SCYL2: variants seen among roughly 807,000 people sequenced by gnomAD.
SCYL2 encodes SCY1-like protein 2.
SCYL2 carries 36 observed loss-of-function variants against 100.4 expected under a neutral mutation model. That is an observed-to-expected ratio of 0.36 (90% CI 0.27 to 0.47). The LOEUF (loss-of-function observed/expected upper bound fraction) is 0.47. Ranked by LOEUF, SCYL2 falls within the 20% of genes least tolerant of loss-of-function variation. The pLI is 1.00. For synonymous variants in SCYL2, 330 were observed against 359.2 expected (o/e 0.92, Z 0.92); for missense variants, 902 against 1,083.9 (o/e 0.83, Z 2.36).
At chr12:100,321,926 T>C (rs2096356171) in intron 10 of SCYL2, among the ~76,000 whole-genome samples, 1 of 151,472 alleles carries the variant, frequency 6.6e-6, no homozygotes, top group East Asian at 1.9e-4. Flanking sequence ...AGTGCATGCC[T>C]GTAGTGCCAG....
intron 16 of SCYL2, among the ~76,000 whole-genome samples, chr12:100,336,630 T>A (rs1023524987): frequency 2.0e-5 from 3 of 152,132 alleles, no homozygotes; most frequent in Admixed American, 2.0e-4. Context: ...CAACAATATT[T>A]TAAAGAGGAT....
At chr12:100,309,461 G>A (rs141830014) in intron 4 of SCYL2, among the ~76,000 whole-genome samples, 173 of 152,192 alleles carry the variant, frequency 1.1e-3, no homozygotes, top group African/African-American at 3.8e-3. Flanking sequence ...TAGGTACTTC[G>A]TGTAAGTGGA....
intron 2 of SCYL2, among the ~76,000 whole-genome samples, chr12:100,285,558 G>C (rs1156515505): frequency 6.6e-6 from 1 of 152,012 alleles, no homozygotes; most frequent in African/African-American, 2.4e-5. Context: ...TGCCAATCTT[G>C]TTATATAGTC....
chr12:100,322,289 C>G (rs1264657362), intron 10 of SCYL2, among the ~76,000 whole-genome samples: 11 of 138,918 alleles, frequency 7.9e-5, no homozygotes, highest in African/African-American at 2.9e-4. Context: ...AGGAGAATGG[C>G]GTGAACCCGG....
chr12:100,285,099 G>A (rs2096303034), intron 2 of SCYL2, among the ~76,000 whole-genome samples: 1 of 152,108 alleles, frequency 6.6e-6, no homozygotes, highest in Non-Finnish European at 1.5e-5. Flanking sequence ...CAAATCATGA[G>A]TGTACAGCTT....
intron 12 of SCYL2, among the ~76,000 whole-genome samples, chr12:100,327,759 C>T (rs1952150926): frequency 6.6e-6 from 1 of 152,116 alleles, no homozygotes; most frequent in African/African-American, 2.4e-5. Flanking sequence ...TGTGATCCAC[C>T]TGCCTCGGCC....
chr12:100,320,916 T>A (rs943216400), intron 10 of SCYL2, among the ~76,000 whole-genome samples: 20 of 152,268 alleles, frequency 1.3e-4, no homozygotes, highest in African/African-American at 2.4e-4. Context: ...TTAATTAATT[T>A]ATATATTTTT....
intron 2 of SCYL2, among the ~76,000 whole-genome samples, chr12:100,283,894 GTC>G (rs2096301637): frequency 6.6e-6 from 1 of 152,184 alleles, no homozygotes; most frequent in Admixed American, 6.5e-5. Context: ...CCATTTGGAA[GTC>G]TTTACTGAAA....
chr12:100,314,716 C>G (rs1337034261), intron 8 of SCYL2, 102 bp downstream of exon 8: 2 of 1,185,834 alleles, frequency 1.7e-6, no homozygotes, highest in East Asian at 5.4e-5. Context: ...ATAACTTTGC[C>G]TGAGGTACAT....
intron 2 of SCYL2, among the ~76,000 whole-genome samples, chr12:100,285,075 T>C (rs1424256828): frequency 6.6e-6 from 1 of 152,214 alleles, no homozygotes; most frequent in East Asian, 1.9e-4. Context: ...TTCAGCATAT[T>C]ATAGAATATT....
chr12:100,338,420 T>C, intron 17 of SCYL2, 108 bp from the exon 18 acceptor site: 1 of 989,308 alleles, frequency 1.0e-6, no homozygotes, highest in Non-Finnish European at 1.4e-6. Context: ...GTGTAGACCA[T>C]TGAGCTTAAT....
intron 1 of SCYL2, among the ~76,000 whole-genome samples, chr12:100,272,337 G>A (rs893891107): frequency 2.0e-5 from 3 of 152,050 alleles, no homozygotes; most frequent in Non-Finnish European, 4.4e-5. Flanking sequence ...GGACTCTTAG[G>A]TTTCTTATAT....
At chr12:100,322,400 T>TA (rs924862677) in intron 10 of SCYL2, among the ~76,000 whole-genome samples, 42 of 125,038 alleles carry the variant, frequency 3.4e-4, no homozygotes, top group Middle Eastern at 4.3e-3. Flanking sequence ...AAAAGAAAAC[T>TA]AAAAAAAAAA....
chr12:100,316,227 T>C (rs1858866892), intron 9 of SCYL2, among the ~76,000 whole-genome samples: 1 of 152,238 alleles, frequency 6.6e-6, no homozygotes, highest in Admixed American at 6.5e-5. Context: ...ATAATGTGTA[T>C]ATGTATTGTA....
chr12:100,301,348 A>G (rs531694084), intron 4 of SCYL2, among the ~76,000 whole-genome samples: 2 of 151,818 alleles, frequency 1.3e-5, no homozygotes, highest in African/African-American at 4.8e-5. Context: ...TCAGATTATT[A>G]GTTTTTTTTT....
chr12:100,340,738 A>G lies in SCYL2; in HGVS notation c.*1566A>G. Reference sequence around the variant, plus strand: ...CACATCTGATTTCTGTATGGGCTGTACTTGGTTAACTTGATTTTAGAAAAA... The same window carrying G: ...CACATCTGATTTCTGTATGGGCTGTGCTTGGTTAACTTGATTTTAGAAAAA... On this transcript the variant is annotated 3_prime_UTR_variant, in exon 18 of 18. Transcript: ENST00000360820. The G allele has an allele frequency of 6.6e-6, 1 of 152,088 alleles. No individual in the cohort carries two copies. Among genetic ancestry groups the G allele is most frequent in the East Asian group, 1.9e-4 (1 of 5,200 alleles). The allele number at this position is 152,088 out of a possible 1,614,324, so 9.4% of individuals were successfully genotyped here. A position where few individuals can be genotyped will look rare whatever the true frequency, so the allele number is the denominator to read the frequency against.
chr12:100,285,733 G>A (rs2096303806), intron 2 of SCYL2, among the ~76,000 whole-genome samples: 1 of 152,046 alleles, frequency 6.6e-6, no homozygotes, highest in South Asian at 2.1e-4. Context: ...AACTGACTTA[G>A]TCTTTTTACA....
intron 8 of SCYL2, 137 bp downstream of exon 8, chr12:100,314,751 T>C (rs570771816): frequency 1.4e-5 from 12 of 855,756 alleles, no homozygotes; most frequent in Non-Finnish European, 1.9e-5. Context: ...CACTGCCAAC[T>C]GAAGCCAAAA....
In SCYL2 at chr12:100,339,147, A is replaced by G. The variant is rs1040389546; in HGVS notation, c.2765A>G (p.Asn922Ser). 5.6e-6 allele frequency: 9 copies of G among 1,613,240 alleles called. No homozygotes were observed. The highest frequency in any genetic ancestry group is 4.5e-5 in the East Asian group (2 of 44,874). ...TTMTNSSSASNDLKDLFG is the reference protein window; with the variant it reads ...TTMTNSSSASSDLKDLFG Reference sequence around the variant, plus strand: ...ATGACCAATAGCAGTTCAGCTAGCAATGATTTAAAAGATCTTTTTGGGTGA... The same window carrying G: ...ATGACCAATAGCAGTTCAGCTAGCAGTGATTTAAAAGATCTTTTTGGGTGA... Residue 922 changes from asparagine to serine, a missense_variant, in exon 18 of 18, where the codon AAT (asparagine) becomes AGT (serine). Coordinates refer to ENST00000360820, the MANE Select transcript of SCYL2 (RefSeq NM_017988.6).
Sources: allele counts gnomAD v4.1 joint callset (sites outside exome capture counted in the v4.1 genomes callset), GRCh38; gene constraint gnomAD v4.1.1; transcripts MANE v1.5; gene names NCBI Gene and HGNC (gene_info 2026-07-23, HGNC 2026-07-21).